CLIP2: variants seen among roughly 807,000 people sequenced by gnomAD.
CLIP2 encodes CAP-Gly domain containing linker protein 2.
In CLIP2, 41 loss-of-function variants were observed where a neutral mutation model predicts 111.7. The ratio of observed to expected loss-of-function variants is 0.37; its 90% CI spans 0.29 to 0.48. The LOEUF is 0.48. CLIP2 is among the 20% of genes least tolerant of loss of function. CLIP2 has a pLI of 0.99. For missense variants in CLIP2, 1,160 were observed against 1,422.1 expected (o/e 0.82, Z 2.96); for synonymous variants, 660 against 644.2 (o/e 1.02, Z -0.37).
chr7:74,359,750 G>GT (rs1359550369), intron 6 of CLIP2, among the ~76,000 whole-genome samples: 1 of 152,162 alleles, frequency 6.6e-6, no homozygotes, highest in South Asian at 2.1e-4. Flanking sequence ...CTCGTGTCTG[G>GT]TTTTTTCTCT....
intron 2 of CLIP2, among the ~76,000 whole-genome samples, chr7:74,337,741 A>C (rs1030218430): frequency 6.6e-6 from 1 of 152,002 alleles, no homozygotes; most frequent in Non-Finnish European, 1.5e-5. Context: ...GATTACAGGC[A>C]CCTGCCACCA....
intron 2 of CLIP2, among the ~76,000 whole-genome samples, chr7:74,325,551 G>A (rs1433676782): frequency 6.6e-6 from 1 of 152,206 alleles, no homozygotes; most frequent in East Asian, 1.9e-4. Flanking sequence ...GGCCCTGAGG[G>A]CCTGGCATGG....
At chr7:74,359,615 A>G in intron 6 of CLIP2, among the ~76,000 whole-genome samples, 1 of 152,090 alleles carries the variant, frequency 6.6e-6, no homozygotes, top group Non-Finnish European at 1.5e-5. Flanking sequence ...TTGGCCTCCC[A>G]AAGTGCTGAG....
intron 7 of CLIP2, among the ~76,000 whole-genome samples, chr7:74,361,521 T>C (rs568763547): frequency 6.6e-6 from 1 of 151,856 alleles, no homozygotes; most frequent in African/African-American, 2.4e-5. Flanking sequence ...CCAGCCTCCT[T>C]TATTTTTCTT....
At chr7:74,346,718 CAA>C (rs1214324954) in intron 3 of CLIP2, among the ~76,000 whole-genome samples, 1 of 56,032 alleles carries the variant, frequency 1.8e-5, no homozygotes, top group African/African-American at 8.1e-5. Context: ...GTAAGATTCT[CAA>C]AAAAAAAAAA....
Position 74,317,678 on chromosome 7 carries a change from C to T in CLIP2, c.121+11C>T. 1 of 1,442,396 alleles carries T rather than the reference C, an allele frequency of 6.9e-7. No homozygotes were observed. The highest frequency in any genetic ancestry group is 9.2e-7 in the Non-Finnish European group (1 of 1,091,766). The allele number at this position is 1,442,396 out of a possible 1,614,324, so 89.3% of individuals were successfully genotyped here. On this transcript the variant is annotated intron_variant, in intron 2 of 16. Coordinates refer to ENST00000223398, the MANE Select transcript of CLIP2 (RefSeq NM_003388.5). ...CTAGCTCCAAGGAAGGTACGTGGCACACCAAGGATGGGGGGTGAGGGGACT... is the reference window on the plus strand; with the variant it reads ...CTAGCTCCAAGGAAGGTACGTGGCATACCAAGGATGGGGGGTGAGGGGACT...
chr7:74,338,584 GGTGAACGGCGT>G lies in CLIP2; in HGVS notation c.260_270del (p.Val87GlufsTer31). 6.4e-7 allele frequency: 1 copy of G among 1,574,182 alleles called. No individual in the cohort carries two copies. Among genetic ancestry groups the G allele is most frequent in the Non-Finnish European group, 8.6e-7 (1 of 1,161,312 alleles). ...ACTTTGTGGTGGGCGAGCGGGTGTG[GGTGAACGGCGT>G]GAAGCCAGGCGTGGTGCAGTATCTG... On this transcript the variant is annotated frameshift_variant, in exon 3 of 17. Coordinates refer to ENST00000223398, the MANE Select transcript of CLIP2 (RefSeq NM_003388.5). LOFTEE classifies it high-confidence loss of function. This position sits in a 1 kb window ranked among gnomAD's most constrained non-coding sequence, Gnocchi z 4.3.
intron 1 of CLIP2, 113 bp from the exon 2 acceptor site, chr7:74,317,367 G>A (rs1554729267): frequency 4.8e-6 from 3 of 619,426 alleles, no homozygotes; most frequent in Non-Finnish European, 7.0e-6. Context: ...AGGTTAAATC[G>A]GGTGTTGCCT....
chr7:74,303,350 A>G (rs1475164412), intron 1 of CLIP2, among the ~76,000 whole-genome samples: 1 of 152,158 alleles, frequency 6.6e-6, no homozygotes, highest in African/African-American at 2.4e-5. Flanking sequence ...GTTACACCCA[A>G]GACCCCCTGC....
intron 11 of CLIP2, among the ~76,000 whole-genome samples, chr7:74,385,464 CAAA>C (rs147539922): frequency 2.7e-4 from 19 of 71,258 alleles, no homozygotes; most frequent in Admixed American, 6.3e-4. Context: ...TAACCTGTCT[CAAA>C]AAAAAAAAAA....
At chr7:74,331,717 A>T (rs1351737038) in intron 2 of CLIP2, among the ~76,000 whole-genome samples, 2 of 149,390 alleles carry the variant, frequency 1.3e-5, no homozygotes, top group African/African-American at 4.9e-5. Flanking sequence ...GGGACTTTAG[A>T]TGCCTGCCAC....
At chr7:74,367,468 G>A (rs576843230) in intron 8 of CLIP2, among the ~76,000 whole-genome samples, 2 of 152,318 alleles carry the variant, frequency 1.3e-5, no homozygotes, top group East Asian at 3.9e-4. Context: ...GGGATAACAG[G>A]CGTGAGCCAC....
intron 2 of CLIP2, among the ~76,000 whole-genome samples, chr7:74,329,884 A>G (rs1429511478): frequency 6.6e-6 from 1 of 152,014 alleles, no homozygotes; most frequent in East Asian, 1.9e-4. Context: ...GGTTCAAGCA[A>G]TTCTCCTGCC....
At chr7:74,396,735 G>A (rs557583525) in intron 13 of CLIP2, among the ~76,000 whole-genome samples, 18 of 152,198 alleles carry the variant, frequency 1.2e-4, no homozygotes, top group African/African-American at 3.9e-4. Flanking sequence ...TGGCCAGGCT[G>A]GTCTCAAACT....
chr7:74,391,569 C>G (rs1295592885), intron 13 of CLIP2, among the ~76,000 whole-genome samples: 1 of 152,116 alleles, frequency 6.6e-6, no homozygotes, highest in Non-Finnish European at 1.5e-5. Flanking sequence ...CCTGTAATAC[C>G]AGCACTCTGG....
intron 11 of CLIP2, among the ~76,000 whole-genome samples, chr7:74,381,991 G>T (rs575110674): frequency 1.4e-4 from 21 of 152,296 alleles, no homozygotes; most frequent in African/African-American, 4.8e-4. Flanking sequence ...CAAAACGTTT[G>T]ATCAGACTTT....
At chr7:74,382,304 CTT>C (rs36118816) in intron 11 of CLIP2, among the ~76,000 whole-genome samples, 4 of 71,872 alleles carry the variant, frequency 5.6e-5, no homozygotes, top group Non-Finnish European at 5.5e-5. Flanking sequence ...TGGGGCTGGT[CTT>C]TTTTTTTTTT....
Position 74,344,847 on chromosome 7 carries a change from C to T in CLIP2, c.678+5843C>T, listed in dbSNP as rs55939339. On this transcript the variant is annotated intron_variant, in intron 3 of 16. Coordinates refer to ENST00000223398, the MANE Select transcript of CLIP2 (RefSeq NM_003388.5). ...CTGAGAAAGCAGTCCCACCTGAAGG[C>T]CAGAGACCAGAGAGAACAACCCAGT... 0.03 allele frequency among the ~76,000 whole-genome samples: 4,512 copies of T among 152,148 alleles called. 379 individuals are homozygous for T. The East Asian group carries it at 0.36, about 12-fold the overall frequency.
At chr7:74,389,303 G>A in intron 13 of CLIP2, 44 bp downstream of exon 13, 1 of 1,503,268 alleles carries the variant, frequency 6.7e-7, no homozygotes, top group Non-Finnish European at 8.9e-7. Context: ...TGTGGCCCTG[G>A]CCCTTGCTCC....
Sources: allele counts gnomAD v4.1 joint callset (sites outside exome capture counted in the v4.1 genomes callset), GRCh38; gene constraint gnomAD v4.1.1; non-coding constraint Gnocchi (gnomAD v3.1); transcripts MANE v1.5; gene names NCBI Gene and HGNC (gene_info 2026-07-23, HGNC 2026-07-21).